Variants in P4HA3 observed in about 807,000 individuals in gnomAD.
P4HA3 encodes the protein prolyl 4-hydroxylase subunit alpha 3.
P4HA3 carries 60 observed loss-of-function variants against 66.7 expected under a neutral mutation model. The ratio of observed to expected loss-of-function variants is 0.90; its 90% CI spans 0.73 to 1.12. P4HA3 has a LOEUF of 1.12. Ranked by LOEUF, P4HA3 falls within the 50% of genes most tolerant of loss-of-function variation. The pLI is 0.00. For missense variants in P4HA3, 683 were observed against 685.8 expected (o/e 1.00, Z 0.05); for synonymous variants, 263 against 274.6 (o/e 0.96, Z 0.42).
At chr11:74,262,294 G>A (rs926890912), downstream of P4HA3, among the ~76,000 whole-genome samples, 6 of 152,170 alleles carry the variant, frequency 3.9e-5, no homozygotes, top group African/African-American at 1.4e-4. Context: ...CAAGGACAGG[G>A]AAACTCTGTC....
intron 11 of P4HA3, among the ~76,000 whole-genome samples, chr11:74,268,789 G>A (rs1449426588): frequency 1.3e-5 from 2 of 152,196 alleles, no homozygotes; most frequent in African/African-American, 4.8e-5. Context: ...AGCAAAGTGA[G>A]GACTCAAGCC....
intron 15 of P4HA3, chr11:74,251,574 A>G (rs1565398225): frequency 1.3e-6 from 2 of 1,577,824 alleles, no homozygotes; most frequent in Non-Finnish European, 1.7e-6. Flanking sequence ...TAACCATCTA[A>G]CAGTAGCTCA....
chr11:74,271,616 C>A (rs1020539527), intron 10 of P4HA3, among the ~76,000 whole-genome samples: 5 of 151,982 alleles, frequency 3.3e-5, no homozygotes, highest in Admixed American at 6.6e-5. Context: ...CTTGCTTGAG[C>A]CTGCCAAGTA....
chr11:74,292,421 A>G (rs963550540), intron 4 of P4HA3, among the ~76,000 whole-genome samples: 27 of 152,102 alleles, frequency 1.8e-4, no homozygotes, highest in Non-Finnish European at 3.4e-4. Flanking sequence ...AATTTTTTGA[A>G]GGGTTTTTTG....
At chr11:74,263,385 AC>A (rs1005099012), downstream of P4HA3, among the ~76,000 whole-genome samples, 3 of 151,698 alleles carry the variant, frequency 2.0e-5, no homozygotes, top group African/African-American at 7.3e-5. Context: ...AATGTTGGAG[AC>A]CCCCCCTGCC....
chr11:74,277,926 A>G (rs1860456610), intron 8 of P4HA3, among the ~76,000 whole-genome samples: 1 of 152,216 alleles, frequency 6.6e-6, no homozygotes, highest in South Asian at 2.1e-4. Flanking sequence ...CTTTTGATGG[A>G]TTAGTGTGTT....
intron 14 of P4HA3, among the ~76,000 whole-genome samples, chr11:74,260,629 G>A (rs568782387): frequency 6.6e-6 from 1 of 152,332 alleles, no homozygotes; most frequent in Admixed American, 6.5e-5. Flanking sequence ...ATCTGCATTT[G>A]TAAGACTAAA....
intron 15 of P4HA3, among the ~76,000 whole-genome samples, chr11:74,254,857 C>T (rs942396862): frequency 1.3e-5 from 2 of 152,124 alleles, no homozygotes; most frequent in African/African-American, 4.8e-5. Context: ...ATCCAGAATG[C>T]CCAGTGGGAT....
rs1860279686 is a variant in P4HA3, at chr11:74,273,553, T to C, written c.1390A>G (p.Met464Val). 6.4e-7 allele frequency: 1 copy of C among 1,558,762 alleles called. No individual in the cohort carries two copies. Among genetic ancestry groups the C allele is most frequent in the Non-Finnish European group, 8.7e-7 (1 of 1,155,096 alleles). The change falls in exon 10 of 13, where the codon ATG becomes GTG. Residue 464 changes from methionine to valine, a missense_variant. By Grantham distance (21) the Met-to-Val change is conservative. Coordinates refer to ENST00000331597, the MANE Select transcript of P4HA3 (RefSeq NM_182904.5). The stretch of plus-strand genomic sequence containing the variant: ...CCCAGAGCAATACTCACATAGATCA[T>C]AAATGTTGCAACTCGGTTTCCTGAC... ...MKSGNRVATF[M>V]IYLSSVEAGG... is the part of the protein sequence containing the mutation.
chr11:74,293,942 G>A (rs1447620038), intron 4 of P4HA3, among the ~76,000 whole-genome samples: 1 of 151,998 alleles, frequency 6.6e-6, no homozygotes, highest in Non-Finnish European at 1.5e-5. Context: ...TGCTCTTCTC[G>A]AGGAGTATCT....
intron 7 of P4HA3, among the ~76,000 whole-genome samples, chr11:74,280,511 A>G (rs1860556284): frequency 6.6e-6 from 1 of 152,166 alleles, no homozygotes; most frequent in South Asian, 2.1e-4. Context: ...AGGGACAGAA[A>G]GAGAAATATT....
chr11:74,274,727 A>G (rs1479483092), intron 9 of P4HA3, among the ~76,000 whole-genome samples: 2 of 152,222 alleles, frequency 1.3e-5, no homozygotes, highest in East Asian at 3.9e-4. Flanking sequence ...TGGCTGGATC[A>G]TAAGTAGGTG....
intron 15 of P4HA3, chr11:74,251,476 G>C: frequency 1.4e-6 from 2 of 1,433,106 alleles, no homozygotes; most frequent in Non-Finnish European, 1.8e-6. Flanking sequence ...TAGTGGGGAG[G>C]AGTCTTCTAG....
At chr11:74,259,499 T>C (rs1191194276) in intron 15 of P4HA3, among the ~76,000 whole-genome samples, 8 of 152,216 alleles carry the variant, frequency 5.3e-5, no homozygotes, top group Non-Finnish European at 1.0e-4. Context: ...AACAGTTCAG[T>C]GGCATTAATT....
intron 8 of P4HA3, 66 bp from the exon 9 acceptor site, chr11:74,277,210 A>G: frequency 6.6e-7 from 1 of 1,519,958 alleles, no homozygotes; most frequent in East Asian, 2.3e-5. Context: ...GACGTCTCTG[A>G]ATGAATGAAT....
chr11:74,265,509 A>G (rs993506130), downstream of P4HA3, among the ~76,000 whole-genome samples: 2 of 152,240 alleles, frequency 1.3e-5, no homozygotes, highest in Non-Finnish European at 2.9e-5. Context: ...TGAGCAATAC[A>G]TGCCCACAGC....
At chr11:74,300,244 C>T (rs1050601587) in intron 3 of P4HA3, among the ~76,000 whole-genome samples, 2 of 152,234 alleles carry the variant, frequency 1.3e-5, no homozygotes, top group African/African-American at 4.8e-5. Flanking sequence ...TGAAAATAAG[C>T]TCCCAAACAT....
At chr11:74,288,295 T>A (rs1264824838) in intron 5 of P4HA3, among the ~76,000 whole-genome samples, 2 of 152,160 alleles carry the variant, frequency 1.3e-5, no homozygotes, top group African/African-American at 4.8e-5. Flanking sequence ...GATGCATGCA[T>A]CACAGAGTGA....
At chr11:74,252,193 G>A (rs546585184) in intron 15 of P4HA3, among the ~76,000 whole-genome samples, 12 of 145,634 alleles carry the variant, frequency 8.2e-5, no homozygotes, top group Non-Finnish European at 4.5e-5. Context: ...TCAGTCTCCC[G>A]AGTAGCTGGG....
Sources: gnomAD v4.1 joint callset for allele counts (sites outside exome capture counted in the v4.1 genomes callset) on GRCh38, gnomAD v4.1.1 for gene constraint, MANE v1.5 for transcripts, NCBI Gene and HGNC (gene_info 2026-07-23, HGNC 2026-07-21) for gene names.